Variants in RANBP2 observed in about 807,000 individuals in gnomAD.
The protein encoded by RANBP2 is RAN binding protein 2, also known as E3 SUMO-protein ligase RanBP2.
Under a neutral mutation model 303.6 loss-of-function variants are expected in RANBP2, and 57 were observed. The ratio of observed to expected loss-of-function variants is 0.19; its 90% confidence interval spans 0.15 to 0.23. RANBP2 has a LOEUF of 0.23. RANBP2 is among the 10% of genes least tolerant of loss of function. RANBP2 has a pLI of 1.00. For synonymous variants in RANBP2, 1,167 were observed against 1,301.5 expected, an observed-to-expected ratio of 0.90 and a Z score of 2.23; for missense variants, 3,138 against 3,780.8, an observed-to-expected ratio of 0.83 and a Z score of 4.46.
chr2:109,652,716 AG>A, the RANBP2 span, among the ~76,000 whole-genome samples: 30 of 152,318 alleles, frequency 2.0e-4, no homozygotes, highest in African/African-American at 6.7e-4. Flanking sequence ...CCAAGACTTC[AG>A]TCTCTACCAG....
At chr2:108,982,010 CAA>C in the RANBP2 span, among the ~76,000 whole-genome samples, 1 of 152,188 alleles carries the variant, frequency 6.6e-6, no homozygotes, top group Non-Finnish European at 1.5e-5. Context: ...TTCCCGTCCT[CAA>C]AGAGGGCACA....
chr2:109,013,008 G>A, the RANBP2 span, among the ~76,000 whole-genome samples: 3 of 152,176 alleles, frequency 2.0e-5, no homozygotes, highest in Non-Finnish European at 2.9e-5. Context: ...ACTCTTTAAA[G>A]GGCCGAGTAG....
At chr2:109,234,419 C>T in the RANBP2 span, among the ~76,000 whole-genome samples, 22 of 152,182 alleles carry the variant, frequency 1.4e-4, no homozygotes, top group African/African-American at 5.3e-4. Flanking sequence ...ATTTTTTTGA[C>T]CACGAATGTC....
Position 108,748,807 on chromosome 2 carries a change from G to A in RANBP2, c.1064-113G>A, listed in dbSNP as rs1487058994. Reference sequence around the variant, plus strand: ...CCAGCTGTATTTTTTGGGTTGGAGGGTTAGGTATGCAGTAATCATGTTATT... The same window carrying A: ...CCAGCTGTATTTTTTGGGTTGGAGGATTAGGTATGCAGTAATCATGTTATT... On this transcript the variant is annotated intron_variant, in intron 8 of 28. Coordinates refer to ENST00000283195, the MANE Select transcript of RANBP2 (RefSeq NM_006267.5). 25 of 1,600,396 alleles carry A rather than the reference G, an allele frequency of 1.6e-5. No individual in the cohort carries two copies. The Admixed American group carries it at 4.2e-4, about 27-fold the overall frequency.
the RANBP2 span, among the ~76,000 whole-genome samples, chr2:109,673,702 A>G: frequency 6.6e-6 from 1 of 152,124 alleles, no homozygotes; most frequent in Non-Finnish European, 1.5e-5. Context: ...CATCTCTACT[A>G]AAAATACAAA....
At chr2:108,787,124 T>A (rs1470564559), downstream of RANBP2, among the ~76,000 whole-genome samples, 1 of 152,196 alleles carries the variant, frequency 6.6e-6, no homozygotes, top group Non-Finnish European at 1.5e-5. Flanking sequence ...CACCTATGCC[T>A]CTGTGTTCCT....
At chr2:109,329,767 C>T in the RANBP2 span, among the ~76,000 whole-genome samples, 1 of 152,326 alleles carries the variant, frequency 6.6e-6, no homozygotes, top group South Asian at 2.1e-4. Context: ...GCTGGAGATG[C>T]CTTTTCTTAC....
At chr2:109,623,561 T>C in the RANBP2 span, among the ~76,000 whole-genome samples, 1 of 152,226 alleles carries the variant, frequency 6.6e-6, no homozygotes, top group Admixed American at 6.5e-5. Context: ...GTGACCCCGA[T>C]GGATGGCTTT....
At chr2:108,774,337 G>A (rs1013527123) in intron 23 of RANBP2, among the ~76,000 whole-genome samples, 3 of 152,198 alleles carry the variant, frequency 2.0e-5, no homozygotes, top group African/African-American at 7.2e-5. Flanking sequence ...ATATGTGTGT[G>A]TAGTCCCAGC....
the RANBP2 span, among the ~76,000 whole-genome samples, chr2:109,414,026 A>G: frequency 4.6e-5 from 7 of 152,178 alleles, no homozygotes; most frequent in African/African-American, 1.2e-4. Context: ...ATGCAGCTCA[A>G]TGGACAATGA....
chr2:109,221,981 TA>T, the RANBP2 span, among the ~76,000 whole-genome samples: 14,005 of 145,344 alleles, frequency 0.096, 1,046 homozygotes, highest in East Asian at 0.34. Context: ...ATGAATGGAT[TA>T]AAAAAAAAAA....
the RANBP2 span, among the ~76,000 whole-genome samples, chr2:109,019,583 C>A: frequency 6.6e-6 from 1 of 152,174 alleles, no homozygotes; most frequent in East Asian, 1.9e-4. Context: ...GAACACCCGA[C>A]ATGGGTGATC....
At chr2:108,794,601 T>C in the RANBP2 span, 1 of 1,614,098 alleles carries the variant, frequency 6.2e-7, no homozygotes, top group Non-Finnish European at 8.5e-7. Context: ...GTGATGCAGG[T>C]GACTCTCCTT....
At chr2:109,406,952 A>T in the RANBP2 span, among the ~76,000 whole-genome samples, 1 of 152,206 alleles carries the variant, frequency 6.6e-6, no homozygotes, top group South Asian at 2.1e-4. Flanking sequence ...CAACTCAGCA[A>T]GTTTGCATTT....
Position 108,753,431 on chromosome 2 carries a change from A to G in RANBP2, c.1923A>G (p.Ser641=), listed in dbSNP as rs1474061823. The G allele has an allele frequency of 5.0e-6, 8 of 1,611,738 alleles. No homozygotes were observed. Among genetic ancestry groups the G allele is most frequent in the Non-Finnish European group, 6.8e-6 (8 of 1,179,742 alleles). ...AAACTATTCTGTGTGTTTAGGCATC[A>G]GAAATTGTTGAATATGAAGAAGACG... ...KHFHSVDIQA[S]EIVEYEEDAH... Residue 641 remains serine, a synonymous_variant, in exon 14 of 29, where the codon TCA becomes TCG. Transcript: ENST00000283195.
chr2:109,180,597 G>A, the RANBP2 span, among the ~76,000 whole-genome samples: 1 of 152,110 alleles, frequency 6.6e-6, no homozygotes, highest in Admixed American at 6.6e-5. Context: ...TGTTCTTGTG[G>A]TAGTAAATAA....
the RANBP2 span, among the ~76,000 whole-genome samples, chr2:108,833,832 A>G: frequency 8.5e-4 from 121 of 142,436 alleles, no homozygotes; most frequent in Non-Finnish European, 1.4e-3. Flanking sequence ...GGTTCACGCC[A>G]TTCTCCTGCC....
At chr2:109,614,826 G>C in the RANBP2 span, 1 of 1,433,360 alleles carries the variant, frequency 7.0e-7, no homozygotes, top group Non-Finnish European at 9.1e-7. Context: ...TGCCGGGCCC[G>C]AGGCGCGCGA....
the RANBP2 span, among the ~76,000 whole-genome samples, chr2:109,464,656 T>G: frequency 2.0e-5 from 3 of 152,216 alleles, no homozygotes; most frequent in Admixed American, 6.5e-5. Context: ...TTAAAGAGAC[T>G]TTATTTTTTA....
Sources: allele counts gnomAD v4.1 joint callset (sites outside exome capture counted in the v4.1 genomes callset), GRCh38; gene constraint gnomAD v4.1.1; transcripts MANE v1.5; gene names NCBI Gene and HGNC (gene_info 2026-07-23, HGNC 2026-07-21).